The following ADD1 variants were observed in gnomAD, a reference collection of about 807,000 sequenced individuals.
The protein encoded by ADD1 is alpha-adducin.
Under a neutral mutation model 80.5 loss-of-function variants are expected in ADD1, and 24 were observed. The ratio of observed to expected loss-of-function variants is 0.30; its 90% CI spans 0.22 to 0.42. The LOEUF is 0.42. Ranked by LOEUF, ADD1 falls within the 10% of genes least tolerant of loss-of-function variation. The probability of loss-of-function intolerance (pLI) is 1.00; values close to 1 mark genes in which losing one functional copy is unlikely to be tolerated. For synonymous variants in ADD1, 373 were observed against 393.8 expected (o/e 0.95, Z 0.63); for missense variants, 948 against 1,019.0 (o/e 0.93, Z 0.95).
chr4:2,861,120 C>G (rs1229243891), intron 1 of ADD1, among the ~76,000 whole-genome samples: 1 of 152,140 alleles, frequency 6.6e-6, no homozygotes, highest in Non-Finnish European at 1.5e-5. Context: ...GCAGAGAGGA[C>G]AGCAAGTACA....
chr4:2,907,924 C>A, intron 11 of ADD1, 80 bp downstream of exon 11: 1 of 1,172,960 alleles, frequency 8.5e-7, no homozygotes, highest in Non-Finnish European at 1.3e-6. Flanking sequence ...GGAGCGGGTG[C>A]TTGCTTCTAG....
At chr4:2,899,208 C>CA in intron 8 of ADD1, 51 bp from the exon 9 acceptor site, 1 of 1,544,962 alleles carries the variant, frequency 6.5e-7, no homozygotes, top group African/African-American at 1.4e-5. Flanking sequence ...TCATCTGACC[C>CA]TCTTGATCTC....
Position 2,899,256 on chromosome 4 carries a change from A to C in ADD1, c.985-3A>C. The C allele has an allele frequency of 6.2e-7, 1 of 1,602,702 alleles. No homozygotes were observed. Among genetic ancestry groups the C allele is most frequent in the Non-Finnish European group, 8.5e-7 (1 of 1,171,794 alleles). On this transcript the variant is annotated splice_region_variant and splice_polypyrimidine_tract_variant and intron_variant, in intron 8 of 15. Transcript: ENST00000683351. The stretch of plus-strand genomic sequence containing the variant: ...AAGCCATGCTGTGTGTGTTTTGGAA[A>C]AGGTTCGAACTCTGGCCAGTGCAGG...
chr4:2,882,141 G>A, intron 3 of ADD1, 81 bp downstream of exon 3: 2 of 1,309,584 alleles, frequency 1.5e-6, no homozygotes, highest in Non-Finnish European at 2.1e-6. Flanking sequence ...GAAATAAGTG[G>A]GCATTTAACT....
rs970607348 is a variant in ADD1 at position 2,908,372 on chromosome 4, G to A, written c.1609-143G>A. The A allele has an allele frequency of 2.6e-5, 18 of 692,892 alleles. No individual in the cohort carries two copies. The African/African-American group carries it at 3.2e-4, about 12-fold the overall frequency. The allele number at this position is 692,892 out of a possible 1,614,324, so 42.9% of individuals were successfully genotyped here. On this transcript the variant is annotated intron_variant, in intron 11 of 15. Transcript: ENST00000683351. Reference sequence around the variant, plus strand: ...GGCATGGCGGTCACTCAGAACACATGGGGCCATCCTGCCTGCGTGGGGCAG... The same window carrying A: ...GGCATGGCGGTCACTCAGAACACATAGGGCCATCCTGCCTGCGTGGGGCAG...
In ADD1 at chr4:2,904,868, T is replaced by C. The variant is rs758602816; in HGVS notation, c.1266T>C (p.Ala422=). ...VPASVTGYSF[A]SDGDSGTCSP... ...CTAGTGTCACAGGTTACTCCTTTGC[T>C]AGTGACGGTGATTCGGGCACTTGCT... is the stretch of plus-strand genomic sequence containing the variant. The change falls in exon 10 of 16, where the codon GCT becomes GCC. Residue 422 remains alanine (A), a synonymous_variant. Coordinates refer to ENST00000683351, the MANE Select transcript of ADD1 (RefSeq NM_001354761.2). 1.9e-6 allele frequency: 3 copies of C among 1,614,196 alleles called. No homozygotes were observed. Among genetic ancestry groups the C allele is most frequent in the Admixed American group, 1.7e-5 (1 of 60,020 alleles).
chr4:2,914,858 AG>A, intron 13 of ADD1, 25 bp from the exon 14 acceptor site: 1 of 1,584,334 alleles, frequency 6.3e-7, no homozygotes, highest in Non-Finnish European at 8.6e-7. Context: ...GGGCTCCTGC[AG>A]ACCAGATGTG....
chr4:2,884,223 A>G (rs1732870909), intron 3 of ADD1, among the ~76,000 whole-genome samples: 1 of 152,242 alleles, frequency 6.6e-6, no homozygotes. Flanking sequence ...TAAGTATTGG[A>G]AAACAGTCAT....
At position 2,883,898 on chromosome 4, in the gene ADD1, C is replaced by T. The variant is rs575180765; in HGVS notation, c.359-617C>T. ...TTGTTAGCCAGGATGGTCTCGATCT[C>T]CTGACCTTGTGATCCTCCCGCCTCG... On this transcript the variant is annotated intron_variant, in intron 3 of 15. Transcript: ENST00000683351. Among the ~76,000 whole-genome samples the T allele has an allele frequency of 3.9e-4, 59 of 152,272 alleles. No homozygotes were observed. The Middle Eastern group carries it at 0.01, about 27-fold the overall frequency.
At chr4:2,913,285 T>C (rs1243750872) in intron 13 of ADD1, among the ~76,000 whole-genome samples, 3 of 152,244 alleles carry the variant, frequency 2.0e-5, no homozygotes, top group Admixed American at 2.0e-4. Context: ...GCCAAACTGC[T>C]GTTGCTGGGA....
intron 13 of ADD1, among the ~76,000 whole-genome samples, chr4:2,910,530 G>C (rs748130149): frequency 6.6e-6 from 1 of 152,158 alleles, no homozygotes; most frequent in Non-Finnish European, 1.5e-5. Context: ...TTGGCACTTT[G>C]TTGCGGTCTT....
At position 2,926,153 on chromosome 4, in the gene ADD1, CACGGCTCG is replaced by C; in HGVS notation, c.2047+42_2047+49del. ...CAGCGGCCGCCACTGTGGGAGGGTG[CACGGCTCG>C]TGCGCGCTGTGGCGGAATGTGGCGG... is the stretch of plus-strand genomic sequence containing the variant. On this transcript the variant is annotated intron_variant, in intron 15 of 15. Coordinates refer to ENST00000683351, the MANE Select transcript of ADD1 (RefSeq NM_001354761.2). This position sits in a 1 kb window ranked among gnomAD's most constrained non-coding sequence, Gnocchi z 5.0. 1 of 1,553,576 alleles carries C rather than the reference CACGGCTCG, an allele frequency of 6.4e-7. No homozygotes were observed. Among genetic ancestry groups the C allele is most frequent in the Non-Finnish European group, 8.9e-7 (1 of 1,125,678 alleles).
intron 1 of ADD1, among the ~76,000 whole-genome samples, chr4:2,852,296 C>CTTTT (rs1560139360): frequency 1.1e-5 from 1 of 93,480 alleles, no homozygotes; most frequent in African/African-American, 4.0e-5. Flanking sequence ...CTTTTCTTTT[C>CTTTT]TTTTCTTTTC....
At chr4:2,880,633 G>A (rs553707412) in intron 2 of ADD1, among the ~76,000 whole-genome samples, 34 of 151,332 alleles carry the variant, frequency 2.2e-4, no homozygotes, top group Non-Finnish European at 3.5e-4. Context: ...CCACCACCAC[G>A]CCTGGCTTAT....
chr4:2,857,740 C>T (rs971796415), intron 1 of ADD1, among the ~76,000 whole-genome samples: 5 of 152,244 alleles, frequency 3.3e-5, no homozygotes, highest in African/African-American at 9.6e-5. Context: ...CCAAAGTGCA[C>T]GGTTTGACAG....
intron 1 of ADD1, among the ~76,000 whole-genome samples, chr4:2,851,565 G>A (rs947793392): frequency 1.3e-5 from 2 of 152,294 alleles, no homozygotes; most frequent in African/African-American, 4.8e-5. Context: ...ACAGCTGCAT[G>A]TGTTTGCAGT....
intron 14 of ADD1, among the ~76,000 whole-genome samples, chr4:2,924,885 T>C (rs1370591398): frequency 6.6e-6 from 1 of 152,196 alleles, no homozygotes; most frequent in Non-Finnish European, 1.5e-5. Flanking sequence ...TACACAGACA[T>C]GTGTCTGCCC....
intron 1 of ADD1, chr4:2,844,227 G>C (rs1346991045): frequency 2.0e-5 from 3 of 152,370 alleles, no homozygotes; most frequent in Non-Finnish European, 2.9e-5. Flanking sequence ...GCCGAGCCGG[G>C]GAGCGAGGGC....
chr4:2,894,607 T>C lies in ADD1; in HGVS notation c.617T>C (p.Ile206Thr), dbSNP rs868808712. The C allele has an allele frequency of 4.3e-6, 7 of 1,609,968 alleles. No homozygotes were observed. Among genetic ancestry groups the C allele is most frequent in the Non-Finnish European group, 5.9e-6 (7 of 1,178,546 alleles). The part of the protein sequence containing the change: ...SLVKINLQGD[I>T]VDRGSTNLGV... The stretch of plus-strand genomic sequence containing the variant: ...GTTAAGATCAATCTACAAGGAGATA[T>C]AGTAGATCGTGGAAGCACTAATCTG... Residue 206 changes from isoleucine (I) to threonine (T), a missense_variant, in exon 6 of 16, where the codon ATA (isoleucine) becomes ACA (threonine). Ile to Thr is a moderately conservative substitution (Grantham distance 89). Transcript: ENST00000683351.
Sources: allele counts gnomAD v4.1 joint callset (sites outside exome capture counted in the v4.1 genomes callset), GRCh38; gene constraint gnomAD v4.1.1; non-coding constraint Gnocchi (gnomAD v3.1); transcripts MANE v1.5; gene names NCBI Gene and HGNC (gene_info 2026-07-23, HGNC 2026-07-21).